Variants in RABGAP1L observed in about 807,000 individuals in gnomAD.
RABGAP1L encodes rab GTPase-activating protein 1-like.
In RABGAP1L, 63 loss-of-function variants were observed where a neutral mutation model predicts 137.7. The ratio of observed to expected loss-of-function variants is 0.46; its 90% CI spans 0.37 to 0.56. RABGAP1L has a LOEUF of 0.56. Ranked by LOEUF, RABGAP1L falls within the 20% of genes least tolerant of loss-of-function variation. The pLI is 0.00. For missense variants in RABGAP1L, 1,095 were observed against 1,244.0 expected, an observed-to-expected ratio of 0.88 and a Z score of 1.80; for synonymous variants, 431 against 433.7, an observed-to-expected ratio of 0.99 and a Z score of 0.08.
intron 19 of RABGAP1L, among the ~76,000 whole-genome samples, chr1:174,948,459 C>T (rs1032160886): frequency 7.5e-6 from 1 of 133,940 alleles, no homozygotes; most frequent in Non-Finnish European, 1.5e-5. Context: ...GTCGAGGCTA[C>T]AGTGAGCGGC....
intron 18 of RABGAP1L, among the ~76,000 whole-genome samples, chr1:174,762,521 T>C (rs12122515): frequency 2.7e-3 from 407 of 152,362 alleles, no homozygotes; most frequent in Non-Finnish European, 3.1e-3. Context: ...CTTTGTCTTC[T>C]AGGACATCTA....
intron 14 of RABGAP1L, among the ~76,000 whole-genome samples, chr1:174,662,982 A>C (rs1376011405): frequency 1.3e-5 from 2 of 152,264 alleles, no homozygotes; most frequent in Non-Finnish European, 2.9e-5. Context: ...TTTTAAGCAA[A>C]GTATTATTAC....
chr1:174,782,850 C>CA (rs2148769491), intron 18 of RABGAP1L, among the ~76,000 whole-genome samples: 1 of 152,320 alleles, frequency 6.6e-6, no homozygotes, highest in African/African-American at 2.4e-5. Flanking sequence ...AGGCTAAAAA[C>CA]AGGAGGCAAA....
intron 18 of RABGAP1L, among the ~76,000 whole-genome samples, chr1:174,788,002 T>G (rs1026862915): frequency 9.8e-5 from 15 of 152,296 alleles, no homozygotes; most frequent in Middle Eastern, 3.4e-3. Flanking sequence ...CTCTTTAATT[T>G]TAAGGAAAAG....
At chr1:174,354,142 C>T (rs985381169) in intron 11 of RABGAP1L, among the ~76,000 whole-genome samples, 2 of 152,098 alleles carry the variant, frequency 1.3e-5, no homozygotes, top group East Asian at 3.8e-4. Flanking sequence ...GCTCTAACAT[C>T]TAACATCTAA....
At chr1:174,486,495 C>T (rs377031885) in intron 13 of RABGAP1L, among the ~76,000 whole-genome samples, 35 of 151,522 alleles carry the variant, frequency 2.3e-4, no homozygotes, top group Middle Eastern at 6.8e-3. Flanking sequence ...TACATGCACC[C>T]GCCACCACAC....
At chr1:174,286,721 T>C (rs1244053292) in intron 10 of RABGAP1L, among the ~76,000 whole-genome samples, 1 of 152,134 alleles carries the variant, frequency 6.6e-6, no homozygotes, top group East Asian at 1.9e-4. Flanking sequence ...CTTCTTTTGC[T>C]TTATCCCATA....
At chr1:174,402,642 A>G (rs188675603) in intron 13 of RABGAP1L, among the ~76,000 whole-genome samples, 13 of 152,170 alleles carry the variant, frequency 8.5e-5, no homozygotes, top group Admixed American at 4.6e-4. Context: ...CTGAAATCCT[A>G]TGTCCTTTAT....
intron 13 of RABGAP1L, among the ~76,000 whole-genome samples, chr1:174,443,953 A>G (rs1294891309): frequency 6.6e-6 from 1 of 151,804 alleles, no homozygotes; most frequent in African/African-American, 2.4e-5. Flanking sequence ...TCAACAGTGT[A>G]TTTTCTTGGT....
At chr1:174,792,307 G>A (rs1687919471) in intron 18 of RABGAP1L, among the ~76,000 whole-genome samples, 2 of 152,218 alleles carry the variant, frequency 1.3e-5, no homozygotes, top group Admixed American at 1.3e-4. Context: ...ACTGTCCAAA[G>A]TGTGTTCTTG....
chr1:174,417,674 C>A (rs1335615860), intron 13 of RABGAP1L, among the ~76,000 whole-genome samples: 1 of 152,140 alleles, frequency 6.6e-6, no homozygotes, highest in African/African-American at 2.4e-5. Context: ...ATAACTTACT[C>A]AAATATTCAC....
chr1:174,215,971 A>C (rs577733365), intron 1 of RABGAP1L, among the ~76,000 whole-genome samples: 5 of 152,226 alleles, frequency 3.3e-5, no homozygotes, highest in African/African-American at 9.6e-5. Flanking sequence ...CATAAAGAAG[A>C]AGGAGATCCT....
chr1:174,803,184 G>A (rs1613634), intron 18 of RABGAP1L, among the ~76,000 whole-genome samples: 95,312 of 151,976 alleles, frequency 0.63, 33,078 homozygotes, highest in East Asian at 0.93. Context: ...CAGAGGGATC[G>A]TCAAACTACT....
chr1:174,880,565 C>T (rs187909975), intron 19 of RABGAP1L, among the ~76,000 whole-genome samples: 1 of 151,646 alleles, frequency 6.6e-6, no homozygotes, highest in South Asian at 2.1e-4. Context: ...TTCTCCCTCC[C>T]TCCCTCCCTC....
intron 19 of RABGAP1L, among the ~76,000 whole-genome samples, chr1:174,946,515 G>T (rs937331803): frequency 4.6e-5 from 7 of 152,108 alleles, no homozygotes; most frequent in African/African-American, 1.7e-4. Context: ...TATAGGGCCT[G>T]TGTGTGTTAC....
chr1:174,865,077 G>T (rs923647183), intron 19 of RABGAP1L, among the ~76,000 whole-genome samples: 5 of 152,064 alleles, frequency 3.3e-5, no homozygotes, highest in Non-Finnish European at 1.5e-5. Flanking sequence ...AAGAGATTGC[G>T]CCACTGCACT....
At chr1:174,311,615 TA>T (rs1484237709) in intron 11 of RABGAP1L, among the ~76,000 whole-genome samples, 4 of 152,222 alleles carry the variant, frequency 2.6e-5, no homozygotes, top group African/African-American at 9.6e-5. Context: ...TCTTTATTTT[TA>T]TTTTTTTGAG....
rs59262212 is a variant in RABGAP1L, at chr1:174,280,048, GGAGAGAGAGAGAGA to G, written c.1323+1300_1323+1313del. ...AGTACTTTTGACTGTCTGTCTGCCT[GGAGAGAGAGAGAGA>G]GAGAGAGAGAGAGAGAGAGAGAGAG... On this transcript the variant is annotated intron_variant, in intron 10 of 25. Coordinates refer to ENST00000681986, the MANE Select transcript of RABGAP1L (RefSeq NM_001366446.1). Among the ~76,000 whole-genome samples, 1,011 of 125,304 alleles carry G rather than the reference GGAGAGAGAGAGAGA, an allele frequency of 8.1e-3. 5 individuals are homozygous for G. Among genetic ancestry groups the G allele is most frequent in the Non-Finnish European group, 0.011 (639 of 60,098 alleles). 82.2% of individuals were successfully genotyped at this position (125,304 alleles called of 152,430 possible). A position where few individuals can be genotyped will look rare whatever the true frequency, so the allele number is the denominator to read the frequency against.
intron 19 of RABGAP1L, among the ~76,000 whole-genome samples, chr1:174,956,294 G>A (rs953835292): frequency 1.7e-5 from 2 of 115,150 alleles, no homozygotes; most frequent in Non-Finnish European, 3.5e-5. Context: ...GAACTTGTGC[G>A]CTCAAGCAAT....
Sources: gnomAD v4.1 joint callset for allele counts (sites outside exome capture counted in the v4.1 genomes callset) on GRCh38, gnomAD v4.1.1 for gene constraint, MANE v1.5 for transcripts, NCBI Gene and HGNC (gene_info 2026-07-23, HGNC 2026-07-21) for gene names.